Variants in CEP44 observed in about 807,000 individuals in gnomAD.
CEP44 encodes centrosomal protein 44, also known as centrosomal protein of 44 kDa.
CEP44 carries 45 observed loss-of-function variants against 46.7 expected under a neutral mutation model. That is an observed-to-expected ratio of 0.96 (90% confidence interval 0.76 to 1.24). CEP44 has a LOEUF of 1.24. Ranked by LOEUF, CEP44 falls within the 50% of genes most tolerant of loss-of-function variation. The probability of loss-of-function intolerance (pLI) is 0.00; values close to 1 mark genes in which losing one functional copy is unlikely to be tolerated. For synonymous variants in CEP44, 142 were observed against 146.0 expected, an observed-to-expected ratio of 0.97 and a Z score of 0.20; for missense variants, 475 against 459.7, an observed-to-expected ratio of 1.03 and a Z score of -0.30.
Position 174,307,293 on chromosome 4 carries a change from C to G in CEP44, c.508-1396C>G, listed in dbSNP as rs182047538. Among the ~76,000 whole-genome samples the G allele has an allele frequency of 1.5e-4, 23 of 152,042 alleles. No homozygotes were observed. In the East Asian group the frequency reaches 4.5e-3, roughly 29 times the overall value. ...AGACCAATGGAAGAGAATAGAGAAC[C>G]CAGAAATAAGACCACACACCTGCAA... On this transcript the variant is annotated intron_variant, in intron 6 of 11. Coordinates refer to ENST00000503780, the MANE Select transcript of CEP44 (RefSeq NM_001040157.3).
chr4:174,321,002 A>G (rs1037936973), downstream of CEP44, among the ~76,000 whole-genome samples: 6 of 152,084 alleles, frequency 3.9e-5, no homozygotes, highest in African/African-American at 9.7e-5. Flanking sequence ...TTTAAGGACT[A>G]TCTTCAATCT....
intron 9 of CEP44, among the ~76,000 whole-genome samples, chr4:174,313,830 TGGGTAGGTGA>T (rs1320547950): frequency 6.6e-6 from 1 of 152,128 alleles, no homozygotes; most frequent in Non-Finnish European, 1.5e-5. Context: ...CTCATGTGAT[TGGGTAGGTGA>T]TTGTTACTCT....
chr4:174,327,222 G>T (rs1306997019), intron 8 of CEP44, among the ~76,000 whole-genome samples: 1 of 148,552 alleles, frequency 6.7e-6, no homozygotes, highest in South Asian at 2.1e-4. Flanking sequence ...ACAGATAAAT[G>T]GTATCAAAAA....
At position 174,287,117 on chromosome 4, in the gene CEP44, A is replaced by G. The variant is rs1243512485; in HGVS notation, c.-148+3174A>G. Among the ~76,000 whole-genome samples, 1 of 152,128 alleles carries G rather than the reference A, an allele frequency of 6.6e-6. No individual in the cohort carries two copies. Among genetic ancestry groups the G allele is most frequent in the African/African-American group, 2.4e-5 (1 of 41,414 alleles). ...TTATTAAAGTGAAGAATCAGCATCA[A>G]GAGGGGGAATCGGTGTATTCCTTCT... is the stretch of plus-strand genomic sequence containing the variant. On this transcript the variant is annotated intron_variant, in intron 1 of 11. Coordinates refer to ENST00000503780, the MANE Select transcript of CEP44 (RefSeq NM_001040157.3). The surrounding 1 kb of genome is among the most constrained non-coding windows in gnomAD (Gnocchi z 5.1).
At chr4:174,293,285 T>C (rs916028291) in intron 1 of CEP44, among the ~76,000 whole-genome samples, 8 of 152,306 alleles carry the variant, frequency 5.3e-5, no homozygotes, top group Admixed American at 2.6e-4. Flanking sequence ...GTCACATGCC[T>C]GCTACTGGGG....
At position 174,326,997 on chromosome 4, in the gene CEP44, C is replaced by T. The variant is rs1015126854; in HGVS notation, c.1087-4485C>T. The stretch of plus-strand genomic sequence containing the variant: ...TATGTAGAAAAACCAAAATAAACTA[C>T]AGACAGTTTTTTAGAATTAATAGAA... On this transcript the variant is annotated intron_variant, in intron 8 of 8. Transcript: ENST00000426172. This position sits in a 1 kb window ranked among gnomAD's most constrained non-coding sequence, Gnocchi z 4.8. Among the ~76,000 whole-genome samples the T allele has an allele frequency of 6.6e-6, 1 of 151,576 alleles. No individual in the cohort carries two copies. Among genetic ancestry groups the T allele is most frequent in the Non-Finnish European group, 1.5e-5 (1 of 67,838 alleles).
rs1456880643 is a variant in CEP44 at position 174,294,725 on chromosome 4, A to AC, written c.-147-3239dup. 4.2e-3 allele frequency among the ~76,000 whole-genome samples: 447 copies of AC among 105,622 alleles called. 3 individuals are homozygous for AC. The highest frequency in any genetic ancestry group is 0.014 in the African/African-American group (376 of 26,318). The allele number at this position is 105,622 out of a possible 152,430, so 69.3% of individuals were successfully genotyped here. On this transcript the variant is annotated intron_variant, in intron 1 of 11. Transcript: ENST00000503780. ...GGGTGGCTGGCCGGGCGGGGGGCTG[A>AC]CCACCCCCCACCTCCCTGCTGGGCG... is the stretch of plus-strand genomic sequence containing the variant.
intron 1 of CEP44, among the ~76,000 whole-genome samples, chr4:174,293,361 T>TAGA (rs1277144215): frequency 2.6e-5 from 4 of 152,314 alleles, no homozygotes; most frequent in Admixed American, 6.5e-5. Flanking sequence ...CACAGCCTTC[T>TAGA]ACTTGGACCC....
exon 9 of CEP44, chr4:174,332,956 G>A (rs969270194): frequency 6.6e-6 from 1 of 152,038 alleles, no homozygotes; most frequent in Non-Finnish European, 1.5e-5. Context: ...CAATCCACCA[G>A]GATGTTGAGC....
Position 174,320,131 on chromosome 4 carries a change from A to G in CEP44, c.*2748A>G. On this transcript the variant is annotated 3_prime_UTR_variant, in exon 12 of 12. Coordinates refer to ENST00000503780, the MANE Select transcript of CEP44 (RefSeq NM_001040157.3). ...AGGTCTCGGTAAAGATTATATGGAA[A>G]TACTATAAAGAATACATAAGGTAAA... is the stretch of plus-strand genomic sequence containing the variant. 2.0e-6 allele frequency: 2 copies of G among 985,216 alleles called. No individual in the cohort carries two copies. Among genetic ancestry groups the G allele is most frequent in the Non-Finnish European group, 2.4e-6 (2 of 829,774 alleles). 61.0% of individuals were successfully genotyped at this position (985,216 alleles called of 1,614,324 possible).
At position 174,314,903 on chromosome 4, in the gene CEP44, T is replaced by TGA. The variant is rs1227626318; in HGVS notation, c.962-1262_962-1261dup. Among the ~76,000 whole-genome samples, 2 of 152,178 alleles carry TGA rather than the reference T, an allele frequency of 1.3e-5. No homozygotes were observed. Among genetic ancestry groups the TGA allele is most frequent in the African/African-American group, 2.4e-5 (1 of 41,454 alleles). ...ACCCAGAGAATTCCAGTTCAAAGTG[T>TGA]GATGAGTCAAATTACATTCTCTCTC... On this transcript the variant is annotated intron_variant, in intron 9 of 11. Transcript: ENST00000503780. This position sits in a 1 kb window ranked among gnomAD's most constrained non-coding sequence, Gnocchi z 4.1.
intron 8 of CEP44, among the ~76,000 whole-genome samples, chr4:174,327,805 G>A (rs1449860199): frequency 6.6e-6 from 1 of 151,932 alleles, no homozygotes; most frequent in African/African-American, 2.4e-5. Context: ...TTTTCAGGTA[G>A]ATTAAAGACA....
At chr4:174,315,199 C>T (rs1014752834) in intron 9 of CEP44, among the ~76,000 whole-genome samples, 3 of 150,316 alleles carry the variant, frequency 2.0e-5, no homozygotes, top group Non-Finnish European at 3.0e-5. Flanking sequence ...CAATAAAGCT[C>T]TCTTTATGTG....
At chr4:174,307,483 A>G (rs892843184) in intron 6 of CEP44, among the ~76,000 whole-genome samples, 1 of 152,190 alleles carries the variant, frequency 6.6e-6, no homozygotes, top group Admixed American at 6.5e-5. Context: ...AGAGACTTAA[A>G]TGTAAAACCC....
chr4:174,292,002 G>A (rs1228509852), intron 1 of CEP44, among the ~76,000 whole-genome samples: 1 of 151,244 alleles, frequency 6.6e-6, no homozygotes, highest in African/African-American at 2.4e-5. Flanking sequence ...TGTTTGCCAG[G>A]GTGGTCTTGA....
Position 174,319,609 on chromosome 4 carries a change from T to A in CEP44, c.*2226T>A. ...CTAATCTCCTAGTTTATATACAGTG[T>A]GCAAAATATAAGTAAGTATATATTG... On this transcript the variant is annotated 3_prime_UTR_variant, in exon 12 of 12. Transcript: ENST00000503780. 2 of 679,310 alleles carry A rather than the reference T, an allele frequency of 2.9e-6. No individual in the cohort carries two copies. The highest frequency in any genetic ancestry group is 3.6e-6 in the Non-Finnish European group (2 of 550,280). 42.1% of individuals were successfully genotyped at this position (679,310 alleles called of 1,614,324 possible).
chr4:174,310,559 C>T lies in CEP44; in HGVS notation c.886-224C>T, dbSNP rs17060456. The stretch of plus-strand genomic sequence containing the variant: ...CTCAGGATTTCAATTTCTGGTCTGT[C>T]TTTCCTTCCTAGAAGGTGAAGTCAA... On this transcript the variant is annotated intron_variant, in intron 8 of 11. Transcript: ENST00000503780. The surrounding 1 kb of genome is among the most constrained non-coding windows in gnomAD (Gnocchi z 4.2). 6.6e-6 allele frequency among the ~76,000 whole-genome samples: 1 copy of T among 151,854 alleles called. No individual in the cohort carries two copies. The highest frequency in any genetic ancestry group is 2.1e-4 in the South Asian group (1 of 4,814).
At chr4:174,306,439 A>G (rs1188662683) in intron 6 of CEP44, among the ~76,000 whole-genome samples, 1 of 152,136 alleles carries the variant, frequency 6.6e-6, no homozygotes, top group Admixed American at 6.6e-5. Flanking sequence ...ATCCAGTTTC[A>G]GCAATTTATC....
Position 174,319,903 on chromosome 4 carries a change from G to A in CEP44, c.*2520G>A, listed in dbSNP as rs1742152865. On this transcript the variant is annotated 3_prime_UTR_variant, in exon 12 of 12. Coordinates refer to ENST00000503780, the MANE Select transcript of CEP44 (RefSeq NM_001040157.3). ...TAGGCAATTTGGTAAGTGGTTTCTA[G>A]TTATAAACTAGCCACTGTTGATTAA... The A allele has an allele frequency of 3.0e-6, 3 of 985,168 alleles. No individual in the cohort carries two copies. In the South Asian group the frequency reaches 1.4e-4, roughly 46 times the overall value. The allele number at this position is 985,168 out of a possible 1,614,324, so 61.0% of individuals were successfully genotyped here. A position where few individuals can be genotyped will look rare whatever the true frequency, so the allele number is the denominator to read the frequency against.
Sources: gnomAD v4.1 joint callset for allele counts (sites outside exome capture counted in the v4.1 genomes callset) on GRCh38, gnomAD v4.1.1 for gene constraint, Gnocchi (gnomAD v3.1) non-coding constraint, MANE v1.5 for transcripts, NCBI Gene and HGNC (gene_info 2026-07-23, HGNC 2026-07-21) for gene names.